CSMD1: variants seen among roughly 807,000 people sequenced by gnomAD.
CSMD1 encodes the protein CUB and sushi domain-containing protein 1.
In CSMD1, 213 loss-of-function variants were observed where a neutral mutation model predicts 417.5. That is an observed-to-expected ratio of 0.51 (90% CI 0.46 to 0.57). CSMD1 has a LOEUF of 0.57. Among genes scored for constraint, CSMD1 ranks in the 20% least tolerant of loss-of-function variants. The probability of loss-of-function intolerance (pLI) is 0.00; values close to 1 mark genes in which losing one functional copy is unlikely to be tolerated. For missense variants in CSMD1, 6,923 were observed against 4,529.7 expected (o/e 1.53, Z -15.17); for synonymous variants, 2,862 against 1,736.8 (o/e 1.65, Z -16.11).
rs1409175534 is a variant in CSMD1, at chr8:4,358,797, G to C, written c.415+61156C>G. ...AATAAAGCTTTGTCAGCCAAGGCAA[G>C]GGTAAACAAGTTATAAATCACGTAA... On this transcript the variant is annotated intron_variant, in intron 3 of 69. Transcript: ENST00000635120. Among the ~76,000 whole-genome samples the C allele has an allele frequency of 2.0e-5, 3 of 152,106 alleles. No individual in the cohort carries two copies. In the East Asian group the frequency reaches 5.8e-4, roughly 29 times the overall value.
chr8:4,380,949 G>A (rs1033200466), intron 3 of CSMD1, among the ~76,000 whole-genome samples: 25 of 151,910 alleles, frequency 1.6e-4, no homozygotes, highest in Non-Finnish European at 4.4e-5. Context: ...GATAACCTGT[G>A]GTTATTGTTA....
At chr8:3,758,058 G>A (rs910926771) in intron 5 of CSMD1, among the ~76,000 whole-genome samples, 8 of 152,096 alleles carry the variant, frequency 5.3e-5, no homozygotes, top group Non-Finnish European at 1.0e-4. Context: ...CTGCCTCCCA[G>A]GTTCAAGTGA....
Position 2,936,466 on chromosome 8 carries a change from CT to C in CSMD1, c.*2118del, listed in dbSNP as rs1585021492. ...CGAGCCTCCTCACACTTTCAATCAT[CT>C]TCTGTTTCGTTCAATGTGTGTGTTA... On this transcript the variant is annotated 3_prime_UTR_variant, in exon 70 of 70. Transcript: ENST00000635120. 1.3e-5 allele frequency: 2 copies of C among 151,484 alleles called. No homozygotes were observed. Among genetic ancestry groups the C allele is most frequent in the East Asian group, 3.9e-4 (2 of 5,098 alleles). The allele number at this position is 151,484 out of a possible 1,614,324, so 9.4% of individuals were successfully genotyped here.
At chr8:4,814,577 A>G (rs1286839316) in intron 1 of CSMD1, among the ~76,000 whole-genome samples, 3 of 152,328 alleles carry the variant, frequency 2.0e-5, no homozygotes, top group East Asian at 3.9e-4. Context: ...GATTTATTCA[A>G]TGCTTTAATT....
intron 5 of CSMD1, among the ~76,000 whole-genome samples, chr8:3,899,953 G>C (rs993565810): frequency 1.3e-5 from 2 of 152,242 alleles, no homozygotes; most frequent in African/African-American, 4.8e-5. Context: ...CCATGGGAAG[G>C]GTAGTTGCTC....
chr8:4,826,775 T>C (rs185436981), intron 1 of CSMD1, among the ~76,000 whole-genome samples: 2 of 152,280 alleles, frequency 1.3e-5, no homozygotes, highest in East Asian at 1.9e-4. Flanking sequence ...AGGAGCTCCC[T>C]CTGCTATATG....
intron 6 of CSMD1, among the ~76,000 whole-genome samples, chr8:3,735,254 A>C (rs1183709768): frequency 1.3e-5 from 2 of 152,106 alleles, no homozygotes; most frequent in African/African-American, 4.8e-5. Flanking sequence ...TAGTGATATT[A>C]CTCAACACAG....
chr8:4,268,506 A>T (rs958062317), intron 3 of CSMD1, among the ~76,000 whole-genome samples: 2 of 152,178 alleles, frequency 1.3e-5, no homozygotes, highest in African/African-American at 2.4e-5. Flanking sequence ...GTATTTAGAG[A>T]AACAAGTAGT....
chr8:4,593,233 G>C (rs923691199), intron 2 of CSMD1, among the ~76,000 whole-genome samples: 2 of 152,154 alleles, frequency 1.3e-5, no homozygotes, highest in African/African-American at 4.8e-5. Context: ...GAAAAGCAAG[G>C]TTAATGGAAT....
chr8:4,904,754 C>A (rs533975695), intron 1 of CSMD1, among the ~76,000 whole-genome samples: 1 of 152,204 alleles, frequency 6.6e-6, no homozygotes, highest in Non-Finnish European at 1.5e-5. Context: ...AAAACAAAAA[C>A]ACCTTTAATA....
At chr8:3,439,303 ATATATATTTTT>A (rs1814805726) in intron 12 of CSMD1, among the ~76,000 whole-genome samples, 1 of 37,954 alleles carries the variant, frequency 2.6e-5, no homozygotes, top group African/African-American at 1.2e-4. Context: ...ATATATATAT[ATATATATTTTT>A]TTTTTTAATA....
At chr8:4,909,437 A>C (rs1010907337) in intron 1 of CSMD1, among the ~76,000 whole-genome samples, 3 of 152,150 alleles carry the variant, frequency 2.0e-5, no homozygotes, top group Non-Finnish European at 4.4e-5. Context: ...AGGAAGGCTA[A>C]AGGGGTCTGT....
At chr8:4,059,756 C>T (rs1194567856) in intron 3 of CSMD1, among the ~76,000 whole-genome samples, 1 of 152,020 alleles carries the variant, frequency 6.6e-6, no homozygotes, top group Non-Finnish European at 1.5e-5. Flanking sequence ...GAAGTTGAAT[C>T]TCTGAATAGA....
chr8:3,410,489 G>A (rs1812617131), intron 12 of CSMD1, among the ~76,000 whole-genome samples: 1 of 152,140 alleles, frequency 6.6e-6, no homozygotes, highest in Non-Finnish European at 1.5e-5. Context: ...AGTGAATAAG[G>A]CTCAGGAGGT....
intron 2 of CSMD1, among the ~76,000 whole-genome samples, chr8:4,499,927 A>C (rs1802169804): frequency 6.6e-6 from 1 of 152,222 alleles, no homozygotes; most frequent in East Asian, 1.9e-4. Context: ...AGATGTGAGA[A>C]TAAATTATCT....
At chr8:4,918,040 C>A (rs1248639822) in intron 1 of CSMD1, among the ~76,000 whole-genome samples, 1 of 152,086 alleles carries the variant, frequency 6.6e-6, no homozygotes, top group Non-Finnish European at 1.5e-5. Context: ...TAATACTAGA[C>A]TTTGTGATGT....
rs532466963 is a variant in CSMD1, at chr8:4,846,424, C to T, written c.85+147908G>A. On this transcript the variant is annotated intron_variant, in intron 1 of 69. Coordinates refer to ENST00000635120, the MANE Select transcript of CSMD1 (RefSeq NM_033225.6). Reference sequence around the variant, plus strand: ...TCACTAACTCAGCCAGTGCCCCAGCCAGGCTTGTCCTTGAGGTTTTGGCAG... The same window carrying T: ...TCACTAACTCAGCCAGTGCCCCAGCTAGGCTTGTCCTTGAGGTTTTGGCAG... Among the ~76,000 whole-genome samples the T allele has an allele frequency of 3.9e-5, 6 of 152,302 alleles. No individual in the cohort carries two copies. The South Asian group carries it at 1.2e-3, about 32-fold the overall frequency.
In CSMD1 at chr8:2,951,104, C is replaced by G; in HGVS notation, c.10201+10G>C. On this transcript the variant is annotated intron_variant, in intron 66 of 69. Transcript: ENST00000635120. ...CACACCATGCGTTTAGTGAATTCTT[C>G]GGGACCTACCTGTCAACTTCAGCTC... 6.2e-7 allele frequency: 1 copy of G among 1,609,032 alleles called. No homozygotes were observed.
chr8:4,673,422 C>T (rs1585429327), intron 1 of CSMD1, among the ~76,000 whole-genome samples: 1 of 152,228 alleles, frequency 6.6e-6, no homozygotes, highest in South Asian at 2.1e-4. Context: ...CCTTTCCAAC[C>T]TAGGGCCCAG....
Sources: allele counts gnomAD v4.1 joint callset (sites outside exome capture counted in the v4.1 genomes callset), GRCh38; gene constraint gnomAD v4.1.1; transcripts MANE v1.5; gene names NCBI Gene and HGNC (gene_info 2026-07-23, HGNC 2026-07-21).